The following HNRNPM variants were observed in gnomAD, a reference collection of about 807,000 sequenced individuals.
The protein encoded by HNRNPM is heterogeneous nuclear ribonucleoprotein M, also known as CEA receptor.
HNRNPM carries 11 observed loss-of-function variants against 73.1 expected under a neutral mutation model. The ratio of observed to expected loss-of-function variants is 0.15; its 90% CI spans 0.09 to 0.25. The LOEUF is 0.25. Ranked by LOEUF, HNRNPM falls within the 10% of genes least tolerant of loss-of-function variation. The pLI, the probability that HNRNPM is intolerant of heterozygous loss-of-function variation, is 1.00. For synonymous variants in HNRNPM, 407 were observed against 355.2 expected (o/e 1.15, Z -1.64); for missense variants, 789 against 1,067.9 (o/e 0.74, Z 3.64).
In HNRNPM at chr19:8,485,847, C is replaced by T. The variant is rs754042490; in HGVS notation, c.1419C>T (p.Gly473=). ...DHMASSIERM[G]QTMERIGSGV... is the part of the protein sequence containing the mutation. ...TGGCCTCCAGCATTGAGCGCATGGG[C>T]CAGACCATGGAGCGCATTGGCTCTG... The change falls in exon 14 of 16, where the codon GGC becomes GGT. Residue 473 remains glycine, a synonymous_variant. Transcript: ENST00000325495. The T allele has an allele frequency of 1.1e-5, 17 of 1,603,358 alleles. No homozygotes were observed. Among genetic ancestry groups the T allele is most frequent in the Non-Finnish European group, 1.4e-5 (17 of 1,179,600 alleles).
Position 8,485,766 on chromosome 19 carries a change from C to T in HNRNPM, c.1338C>T (p.Ser446=), listed in dbSNP as rs755056294. ...RMGLVMDRMG[S]VERMGSGIER... ...GCCTGGTCATGGACCGCATGGGCTC[C>T]GTGGAGCGCATGGGCTCCGGCATTG... The change falls in exon 14 of 16, where the codon TCC becomes TCT. Residue 446 remains serine, a synonymous_variant. Coordinates refer to ENST00000325495, the MANE Select transcript of HNRNPM (RefSeq NM_005968.5). The T allele has an allele frequency of 4.9e-5, 79 of 1,603,988 alleles. No homozygotes were observed. In the East Asian group the frequency reaches 1.2e-3, roughly 25 times the overall value.
At chr19:8,450,601 C>T (rs1021111075) in intron 1 of HNRNPM, among the ~76,000 whole-genome samples, 2 of 152,020 alleles carry the variant, frequency 1.3e-5, no homozygotes, top group African/African-American at 2.4e-5. Context: ...GGTGTTATAC[C>T]ATGTTGCCCA....
At chr19:8,476,103 G>A (rs1970486856) in intron 12 of HNRNPM, among the ~76,000 whole-genome samples, 1 of 152,072 alleles carries the variant, frequency 6.6e-6, no homozygotes, top group South Asian at 2.1e-4. Flanking sequence ...AGAGCCTGGG[G>A]TACGCGGTGG....
At chr19:8,464,499 G>A (rs375677194) in intron 5 of HNRNPM, among the ~76,000 whole-genome samples, 1 of 151,950 alleles carries the variant, frequency 6.6e-6, no homozygotes. Context: ...TGGGCGTAGT[G>A]GGGGGTGCCT....
At chr19:8,475,643 G>T (rs1323458078) in intron 12 of HNRNPM, among the ~76,000 whole-genome samples, 3 of 152,204 alleles carry the variant, frequency 2.0e-5, no homozygotes, top group African/African-American at 7.2e-5. Flanking sequence ...TAGGAAAGTT[G>T]TCACCATTAG....
chr19:8,465,285 TG>T, intron 5 of HNRNPM, 38 bp from the exon 6 acceptor site: 1 of 1,519,700 alleles, frequency 6.6e-7, no homozygotes, highest in South Asian at 1.2e-5. Context: ...TGCGTTGTAC[TG>T]GGTCAGTTAA....
In HNRNPM at chr19:8,462,334, T is replaced by C. The variant is rs1454049032; in HGVS notation, c.284-195T>C. On this transcript the variant is annotated intron_variant, in intron 2 of 15. Coordinates refer to ENST00000325495, the MANE Select transcript of HNRNPM (RefSeq NM_005968.5). The surrounding 1 kb of genome is among the most constrained non-coding windows in gnomAD (Gnocchi z 4.5). ...TGGTGGGAGGAAAATCAAGGACATA[T>C]TGTTAACGTGTTTTCACCTACTTTT... 2.2e-5 allele frequency: 12 copies of C among 553,252 alleles called. No homozygotes were observed. Among genetic ancestry groups the C allele is most frequent in the African/African-American group, 1.7e-4 (9 of 53,172 alleles). 34.3% of individuals were successfully genotyped at this position (553,252 alleles called of 1,614,324 possible).
Position 8,463,500 on chromosome 19 carries a change from T to A in HNRNPM, c.340T>A (p.Cys114Ser). The A allele has an allele frequency of 1.2e-6, 2 of 1,614,178 alleles. No individual in the cohort carries two copies. ...LMDAEGKSRG[C>S]AVVEFKMEES... ...TGGTCTCTGGCTTCCTCCAAAGGGA[T>A]GTGCGTAAGTATCGTCTAGTTACTT... The change falls in exon 4 of 16, where the codon TGT becomes AGT. Residue 114 changes from cysteine (C) to serine (S), a missense_variant. Transcript: ENST00000325495.
At chr19:8,448,715 C>T (rs763831381) in intron 1 of HNRNPM, among the ~76,000 whole-genome samples, 3 of 151,612 alleles carry the variant, frequency 2.0e-5, no homozygotes, top group African/African-American at 7.3e-5. Context: ...GATCTCCTGA[C>T]GTCGTTATCC....
intron 1 of HNRNPM, among the ~76,000 whole-genome samples, chr19:8,450,535 G>C (rs1968533243): frequency 6.6e-6 from 1 of 151,762 alleles, no homozygotes; most frequent in Non-Finnish European, 1.5e-5. Flanking sequence ...TCAGCCTTCT[G>C]AGTAAATAGG....
At chr19:8,458,125 C>G (rs1464798120) in intron 2 of HNRNPM, among the ~76,000 whole-genome samples, 1 of 151,052 alleles carries the variant, frequency 6.6e-6, no homozygotes, top group East Asian at 1.9e-4. Context: ...AGCTTTTTTT[C>G]TAAGGATACT....
At chr19:8,471,649 A>G (rs1000939867) in intron 10 of HNRNPM, among the ~76,000 whole-genome samples, 5 of 152,190 alleles carry the variant, frequency 3.3e-5, no homozygotes, top group African/African-American at 1.2e-4. Context: ...TTGTAACCTG[A>G]CAACAACCTT....
Position 8,453,049 on chromosome 19 carries a change from G to A in HNRNPM, c.114-2356G>A, listed in dbSNP as rs1050881668. Among the ~76,000 whole-genome samples, 6 of 151,984 alleles carry A rather than the reference G, an allele frequency of 3.9e-5. No homozygotes were observed. In the South Asian group the frequency reaches 6.2e-4, roughly 16 times the overall value. ...AAATAAAGACAGGGTCTTATTTGTC[G>A]AACTCTTGGGTTTAAGTAAGATTCT... On this transcript the variant is annotated intron_variant, in intron 1 of 15. Coordinates refer to ENST00000325495, the MANE Select transcript of HNRNPM (RefSeq NM_005968.5).
rs33978914 is a variant in HNRNPM at position 8,447,260 on chromosome 19, C to CTTTTT, written c.113+2161_113+2165dup. On this transcript the variant is annotated intron_variant, in intron 1 of 15. Coordinates refer to ENST00000325495, the MANE Select transcript of HNRNPM (RefSeq NM_005968.5). ...TATTTTTGATAGGGCCTGTGGAAAA[C>CTTTTT]TTTTTTTTTTTTTTTTCATTACAAG... 2.9e-4 allele frequency among the ~76,000 whole-genome samples: 42 copies of CTTTTT among 142,984 alleles called. 1 individual carries two copies. Among genetic ancestry groups the CTTTTT allele is most frequent in the South Asian group, 4.4e-4 (2 of 4,558 alleles). 93.8% of individuals were successfully genotyped at this position (142,984 alleles called of 152,430 possible).
intron 13 of HNRNPM, among the ~76,000 whole-genome samples, chr19:8,485,112 A>G (rs1158187129): frequency 3.3e-5 from 5 of 151,998 alleles, no homozygotes; most frequent in South Asian, 2.1e-4. Context: ...ATGCAGCCAG[A>G]GTGGCCCCCA....
At chr19:8,481,192 G>A (rs1037452445) in intron 12 of HNRNPM, among the ~76,000 whole-genome samples, 1 of 152,220 alleles carries the variant, frequency 6.6e-6, no homozygotes, top group Non-Finnish European at 1.5e-5. Flanking sequence ...GGATAGGCCT[G>A]TGGTCTTTGG....
intron 1 of HNRNPM, among the ~76,000 whole-genome samples, chr19:8,452,918 G>C (rs1321026635): frequency 1.1e-4 from 17 of 152,108 alleles, no homozygotes; most frequent in Non-Finnish European, 2.4e-4. Context: ...ATAGTTCACT[G>C]CAATCTTGAC....
At chr19:8,467,675 T>C (rs1240716841) in intron 8 of HNRNPM, 91 bp downstream of exon 8, 1 of 965,338 alleles carries the variant, frequency 1.0e-6, no homozygotes, top group African/African-American at 1.6e-5. Context: ...TATGAAATAT[T>C]TGTGGATTAG....
At chr19:8,470,124 T>C (rs1248948317) in intron 9 of HNRNPM, among the ~76,000 whole-genome samples, 19 of 152,222 alleles carry the variant, frequency 1.2e-4, no homozygotes, top group Non-Finnish European at 1.0e-4. Flanking sequence ...GAGCCTGTTA[T>C]CCATGGCTCT....
Sources: gnomAD v4.1 joint callset for allele counts (sites outside exome capture counted in the v4.1 genomes callset) on GRCh38, gnomAD v4.1.1 for gene constraint, Gnocchi (gnomAD v3.1) non-coding constraint, MANE v1.5 for transcripts, NCBI Gene and HGNC (gene_info 2026-07-23, HGNC 2026-07-21) for gene names.